The following RBPJ variants were observed in gnomAD, a reference collection of about 807,000 sequenced individuals.
RBPJ encodes recombination signal binding protein for immunoglobulin kappa J region, also known as recombining binding protein suppressor of hairless.
Under a neutral mutation model 67.8 loss-of-function variants are expected in RBPJ, and 9 were observed. The observed-to-expected ratio is 0.13, with a 90% CI of 0.08 to 0.23. The LOEUF (loss-of-function observed/expected upper bound fraction) is 0.23, where lower values mean the gene tolerates loss of function less well. Among genes scored for constraint, RBPJ ranks in the 10% least tolerant of loss-of-function variants. The probability of loss-of-function intolerance (pLI) is 1.00; values close to 1 mark genes in which losing one functional copy is unlikely to be tolerated. For synonymous variants in RBPJ, 198 were observed against 203.3 expected, an observed-to-expected ratio of 0.97 and a Z score of 0.22; for missense variants, 305 against 595.6, an observed-to-expected ratio of 0.51 and a Z score of 5.08.
At chr4:26,158,147 A>G in the RBPJ span, among the ~76,000 whole-genome samples, 2 of 152,216 alleles carry the variant, frequency 1.3e-5, no homozygotes, top group Non-Finnish European at 2.9e-5. Context: ...TACTCATCCT[A>G]TAGGCACTAT....
chr4:26,322,673 A>G (rs564781950), intron 1 of RBPJ, among the ~76,000 whole-genome samples: 1,690 of 114,564 alleles, frequency 0.015, 37 homozygotes, highest in African/African-American at 0.044. Context: ...ATATATATAT[A>G]TACACACACA....
At position 26,431,811 on chromosome 4, in the gene RBPJ, A is replaced by G. The variant is rs749464769; in HGVS notation, c.*804A>G. 6.6e-6 allele frequency: 1 copy of G among 151,970 alleles called. No individual in the cohort carries two copies. The highest frequency in any genetic ancestry group is 1.5e-5 in the Non-Finnish European group (1 of 67,996). The allele number at this position is 151,970 out of a possible 1,614,324, so 9.4% of individuals were successfully genotyped here. On this transcript the variant is annotated 3_prime_UTR_variant, in exon 11 of 11. Coordinates refer to ENST00000355476, the MANE Select transcript of RBPJ (RefSeq NM_015874.6). ...GTCTCTCTTCTCAGACACTGTTGGT[A>G]GTTATTTCTGTGTTTTCCTTTTTTT...
At chr4:26,380,301 C>T (rs1041864161) in intron 1 of RBPJ, among the ~76,000 whole-genome samples, 4 of 152,028 alleles carry the variant, frequency 2.6e-5, no homozygotes, top group African/African-American at 9.7e-5. Context: ...CATCGTTGTT[C>T]ATTTGTTGTA....
intron 1 of RBPJ, among the ~76,000 whole-genome samples, chr4:26,235,648 G>A (rs1719430641): frequency 6.6e-6 from 1 of 152,196 alleles, no homozygotes; most frequent in Non-Finnish European, 1.5e-5. Context: ...CCTTCTCCAG[G>A]CTCTCATGAT....
intron 2 of RBPJ, among the ~76,000 whole-genome samples, chr4:26,399,382 G>T (rs1483094510): frequency 6.6e-6 from 1 of 152,170 alleles, no homozygotes; most frequent in East Asian, 1.9e-4. Flanking sequence ...GCGGGGACCA[G>T]GTTCTTCCCT....
At chr4:26,151,733 C>T in the RBPJ span, among the ~76,000 whole-genome samples, 1 of 152,216 alleles carries the variant, frequency 6.6e-6, no homozygotes, top group Non-Finnish European at 1.5e-5. Context: ...ATTTTACTAT[C>T]GGTTTAGGGT....
chr4:26,333,273 A>G (rs1724446381), intron 1 of RBPJ, among the ~76,000 whole-genome samples: 1 of 152,220 alleles, frequency 6.6e-6, no homozygotes, highest in African/African-American at 2.4e-5. Flanking sequence ...GGAAACGCTG[A>G]CATTCGATTC....
At chr4:26,244,455 ATG>A (rs1227251408) in intron 1 of RBPJ, among the ~76,000 whole-genome samples, 3 of 100,794 alleles carry the variant, frequency 3.0e-5, no homozygotes, top group African/African-American at 7.6e-5. Context: ...GTATACATAT[ATG>A]TGTGTATATA....
intron 1 of RBPJ, among the ~76,000 whole-genome samples, chr4:26,257,262 G>A (rs112317123): frequency 1.8e-4 from 28 of 152,306 alleles, no homozygotes; most frequent in African/African-American, 6.5e-4. Context: ...ATTATATCTA[G>A]CAAGTTATTG....
rs762125970 is a variant in RBPJ, at chr4:26,238,941, C to T, written c.-167+75327C>T. On this transcript the variant is annotated intron_variant, in intron 1 of 4. Coordinates refer to the RBPJ transcript ENST00000512351. The stretch of plus-strand genomic sequence containing the variant: ...GCCACAGAGATCAACGCTCCAGGCA[C>T]CCAGGGAGAGCAGACGCAGAAGAAA... 3.6e-4 allele frequency among the ~76,000 whole-genome samples: 55 copies of T among 152,148 alleles called. 1 individual carries two copies. The highest frequency in any genetic ancestry group is 6.0e-4 in the Non-Finnish European group (41 of 67,988).
At chr4:26,368,842 G>A (rs1489449005) in intron 1 of RBPJ, among the ~76,000 whole-genome samples, 1 of 152,192 alleles carries the variant, frequency 6.6e-6, no homozygotes, top group Non-Finnish European at 1.5e-5. Context: ...GCAGGGATAG[G>A]CCAGAGATAA....
chr4:26,239,876 A>G, intron 1 of RBPJ, among the ~76,000 whole-genome samples: 1 of 152,136 alleles, frequency 6.6e-6, no homozygotes, highest in East Asian at 1.9e-4. Flanking sequence ...TCACAGTTCC[A>G]CTCAAAGCCA....
At chr4:26,320,505 G>A, upstream of RBPJ, 2 of 481,396 alleles carry the variant, frequency 4.2e-6, no homozygotes, top group Non-Finnish European at 7.4e-6. Context: ...CCCAGGGAAC[G>A]TTTGAATGAA....
rs576664954 is a variant in RBPJ at position 26,173,233 on chromosome 4, T to G, written c.-167+9619T>G. On this transcript the variant is annotated intron_variant, in intron 1 of 4. Transcript: ENST00000512351. ...TCACTGCAACCTCCATCTCCCAGGT[T>G]TGAGCGATTCTCCTGCCTCAGCCTC... is the stretch of plus-strand genomic sequence containing the variant. Among the ~76,000 whole-genome samples, 7 of 152,308 alleles carry G rather than the reference T, an allele frequency of 4.6e-5. No individual in the cohort carries two copies. In the South Asian group the frequency reaches 8.3e-4, roughly 18 times the overall value.
intron 1 of RBPJ, among the ~76,000 whole-genome samples, chr4:26,372,534 A>C (rs1260225955): frequency 6.6e-6 from 1 of 152,222 alleles, no homozygotes; most frequent in Non-Finnish European, 1.5e-5. Context: ...TAGCATAGCA[A>C]AGTATCAAGT....
chr4:26,370,104 C>T (rs1436500235), intron 1 of RBPJ, among the ~76,000 whole-genome samples: 1 of 152,114 alleles, frequency 6.6e-6, no homozygotes, highest in Non-Finnish European at 1.5e-5. Flanking sequence ...AGAGCTGATC[C>T]AGGATGAGTA....
At chr4:26,321,524 T>G (rs1723065407) in intron 1 of RBPJ, 1 of 150,800 alleles carries the variant, frequency 6.6e-6, no homozygotes, top group South Asian at 2.2e-4. Flanking sequence ...ACCCGTGGCG[T>G]CCCGCATCCC....
intron 1 of RBPJ, among the ~76,000 whole-genome samples, chr4:26,334,201 C>T (rs962097064): frequency 4.1e-4 from 62 of 151,954 alleles, no homozygotes; most frequent in African/African-American, 1.5e-3. Flanking sequence ...CCACAATGCC[C>T]AGCTAATTTT....
At chr4:26,335,032 T>G (rs1724663010) in intron 1 of RBPJ, among the ~76,000 whole-genome samples, 1 of 152,194 alleles carries the variant, frequency 6.6e-6, no homozygotes, top group Admixed American at 6.5e-5. Flanking sequence ...AACAACTTGT[T>G]CTTTTTACCA....
Sources: gnomAD v4.1 joint callset for allele counts (sites outside exome capture counted in the v4.1 genomes callset) on GRCh38, gnomAD v4.1.1 for gene constraint, MANE v1.5 for transcripts, NCBI Gene and HGNC (gene_info 2026-07-23, HGNC 2026-07-21) for gene names.